The following RNF180 variants were observed in gnomAD, a reference collection of about 807,000 sequenced individuals.
RNF180 encodes ring finger protein 180.
RNF180 carries 38 observed loss-of-function variants against 59.2 expected under a neutral mutation model. That is an observed-to-expected ratio of 0.64 (90% CI 0.50 to 0.84). The LOEUF (loss-of-function observed/expected upper bound fraction) is 0.84, where lower values mean the gene tolerates loss of function less well. Ranked by LOEUF, RNF180 falls within the 40% of genes least tolerant of loss-of-function variation. The pLI, the probability that RNF180 is intolerant of heterozygous loss-of-function variation, is 0.00. For missense variants in RNF180, 705 were observed against 700.9 expected (o/e 1.01, Z -0.07); for synonymous variants, 262 against 240.3 (o/e 1.09, Z -0.84).
intron 5 of RNF180, among the ~76,000 whole-genome samples, chr5:64,265,166 T>C (rs567985161): frequency 1.3e-5 from 2 of 152,334 alleles, no homozygotes; most frequent in South Asian, 4.1e-4. Flanking sequence ...TTTTCTTCCA[T>C]TCTGTAGGTT....
chr5:64,298,071 G>A (rs371814541), intron 5 of RNF180, among the ~76,000 whole-genome samples: 3 of 151,998 alleles, frequency 2.0e-5, no homozygotes, highest in Admixed American at 1.3e-4. Context: ...ATGTATCCAT[G>A]TGTTCTCATG....
intron 5 of RNF180, among the ~76,000 whole-genome samples, chr5:64,241,148 G>A (rs1331931717): frequency 6.6e-6 from 1 of 152,182 alleles, no homozygotes; most frequent in Non-Finnish European, 1.5e-5. Context: ...AAATACAATA[G>A]TGGAAGACAT....
intron 1 of RNF180, among the ~76,000 whole-genome samples, chr5:64,169,220 G>A (rs887980239): frequency 1.1e-4 from 16 of 152,172 alleles, no homozygotes; most frequent in African/African-American, 1.9e-4. Flanking sequence ...GAGGAGCTCC[G>A]TCTAAAACAA....
chr5:64,181,895 A>G (rs1179920481), intron 1 of RNF180, among the ~76,000 whole-genome samples: 1 of 152,030 alleles, frequency 6.6e-6, no homozygotes, highest in Non-Finnish European at 1.5e-5. Context: ...GCAAATAGTG[A>G]AATATTTAAC....
intron 7 of RNF180, among the ~76,000 whole-genome samples, chr5:64,352,219 G>A (rs1745844084): frequency 6.6e-6 from 1 of 152,030 alleles, no homozygotes. Context: ...TCTGATGGTA[G>A]TTTGTATTTC....
chr5:64,225,441 A>G lies in RNF180; in HGVS notation c.1227+8045A>G, dbSNP rs368749663. 1.4e-3 allele frequency among the ~76,000 whole-genome samples: 172 copies of G among 124,728 alleles called. 2 individuals carry two copies. In the East Asian group the frequency reaches 0.027, roughly 20 times the overall value. 81.8% of individuals were successfully genotyped at this position (124,728 alleles called of 152,430 possible). ...TGGGATGTGAGGAGCGCCTCTGCCC[A>G]GCCGGCCATCGTCTGGGATGTGAGG... On this transcript the variant is annotated intron_variant, in intron 5 of 7. Transcript: ENST00000389100.
intron 5 of RNF180, among the ~76,000 whole-genome samples, chr5:64,249,573 A>G (rs1291389644): frequency 6.6e-6 from 1 of 152,206 alleles, no homozygotes; most frequent in Non-Finnish European, 1.5e-5. Context: ...TTCTGCCAAC[A>G]GGAGACTAAC....
At chr5:64,318,993 G>A (rs1359078002) in intron 5 of RNF180, among the ~76,000 whole-genome samples, 1 of 152,026 alleles carries the variant, frequency 6.6e-6, no homozygotes, top group African/African-American at 2.4e-5. Context: ...TGTAAACTGT[G>A]GACTTCAGTT....
At position 64,349,319 on chromosome 5, in the gene RNF180, A is replaced by AT. The variant is rs375867614; in HGVS notation, c.1579+18921dup. On this transcript the variant is annotated intron_variant, in intron 7 of 7. Coordinates refer to ENST00000389100, the MANE Select transcript of RNF180 (RefSeq NM_001113561.2). ...TTTTGTTGTTGTTGTTGTTAACTTC[A>AT]TTTTTTTTGTATTTTATTGATACTT... 4.7e-4 allele frequency among the ~76,000 whole-genome samples: 70 copies of AT among 149,564 alleles called. No homozygotes were observed. In the South Asian group the frequency reaches 7.3e-3, roughly 16 times the overall value.
chr5:64,273,622 T>A (rs1038868047), intron 5 of RNF180, among the ~76,000 whole-genome samples: 1 of 151,928 alleles, frequency 6.6e-6, no homozygotes, highest in African/African-American at 2.4e-5. Context: ...CTGAAAAATA[T>A]CTGTTGGCTC....
chr5:64,241,899 C>T (rs552671276), intron 5 of RNF180, among the ~76,000 whole-genome samples: 117 of 152,210 alleles, frequency 7.7e-4, no homozygotes, highest in Non-Finnish European at 1.2e-3. Context: ...ACACCAGGCC[C>T]ACCACAGCAT....
chr5:64,202,559 TTAG>T (rs754692173), intron 2 of RNF180, among the ~76,000 whole-genome samples: 1 of 152,150 alleles, frequency 6.6e-6, no homozygotes, highest in African/African-American at 2.4e-5. Context: ...TAAGAAATTG[TTAG>T]TAGTTTTTCA....
intron 5 of RNF180, among the ~76,000 whole-genome samples, chr5:64,283,182 G>A (rs141407034): frequency 1.0e-3 from 158 of 152,328 alleles, no homozygotes; most frequent in African/African-American, 3.7e-3. Context: ...GGGTGCTCCA[G>A]TATTGGGTGC....
At chr5:64,317,439 T>C (rs1444932478) in intron 5 of RNF180, among the ~76,000 whole-genome samples, 2 of 151,962 alleles carry the variant, frequency 1.3e-5, no homozygotes, top group Non-Finnish European at 2.9e-5. Context: ...ACAGACTTGT[T>C]TGTCACAGGG....
At chr5:64,165,484 A>C (rs761112856), upstream of RNF180, among the ~76,000 whole-genome samples, 2 of 152,230 alleles carry the variant, frequency 1.3e-5, no homozygotes, top group South Asian at 4.1e-4. Flanking sequence ...ACGCCGGCCT[A>C]AGATTTTAGC....
chr5:64,180,465 T>C (rs956932129), intron 1 of RNF180, among the ~76,000 whole-genome samples: 1 of 152,228 alleles, frequency 6.6e-6, no homozygotes, highest in Non-Finnish European at 1.5e-5. Context: ...AAATGGCAGC[T>C]AGCAGCCTCC....
chr5:64,360,422 C>A (rs1020737326), intron 7 of RNF180, among the ~76,000 whole-genome samples: 1 of 151,718 alleles, frequency 6.6e-6, no homozygotes, highest in Non-Finnish European at 1.5e-5. Flanking sequence ...ATACTAAGAG[C>A]TATCTATGAC....
intron 5 of RNF180, among the ~76,000 whole-genome samples, chr5:64,303,271 T>G (rs2112460035): frequency 6.6e-6 from 1 of 151,600 alleles, no homozygotes; most frequent in South Asian, 2.1e-4. Context: ...AATATGTAAT[T>G]TAGACTAATT....
intron 7 of RNF180, among the ~76,000 whole-genome samples, chr5:64,354,450 A>G (rs1323500864): frequency 6.6e-6 from 1 of 152,044 alleles, no homozygotes; most frequent in Non-Finnish European, 1.5e-5. Context: ...AGATTGAATC[A>G]GTAATCACAA....
Sources: allele counts gnomAD v4.1 joint callset (sites outside exome capture counted in the v4.1 genomes callset), GRCh38; gene constraint gnomAD v4.1.1; transcripts MANE v1.5; gene names NCBI Gene and HGNC (gene_info 2026-07-23, HGNC 2026-07-21).